Variants in LEPROTL1 observed in about 807,000 individuals in gnomAD.
LEPROTL1 encodes leptin receptor overlapping transcript-like 1.
In LEPROTL1, 6 loss-of-function variants were observed where a neutral mutation model predicts 15.4. The ratio of observed to expected loss-of-function variants is 0.39; its 90% CI spans 0.21 to 0.77. The LOEUF is 0.77. Among genes scored for constraint, LEPROTL1 ranks in the 30% least tolerant of loss-of-function variants. LEPROTL1 has a pLI of 0.41. For missense variants in LEPROTL1, 128 were observed against 158.1 expected (o/e 0.81, Z 1.02); for synonymous variants, 56 against 52.6 (o/e 1.06, Z -0.28).
At chr8:30,118,332 T>C (rs1802775157) in intron 3 of LEPROTL1, among the ~76,000 whole-genome samples, 1 of 152,120 alleles carries the variant, frequency 6.6e-6, no homozygotes, top group South Asian at 2.1e-4. Flanking sequence ...CACAAATATA[T>C]TAATATATGT....
In LEPROTL1 at chr8:30,107,179, T is replaced by A. The variant is rs1174623464; in HGVS notation, c.*1317T>A. ...TCTGCTGTTTCCTTATAAAAGGCAT[T>A]TGTTGTGTGAGTTAATGCAAAGTAG... is the stretch of plus-strand genomic sequence containing the variant. On this transcript the variant is annotated 3_prime_UTR_variant, in exon 4 of 4. Transcript: ENST00000321250. 2 of 985,304 alleles carry A rather than the reference T, an allele frequency of 2.0e-6. No individual in the cohort carries two copies. The highest frequency in any genetic ancestry group is 2.4e-6 in the Non-Finnish European group (2 of 829,944). 61.0% of individuals were successfully genotyped at this position (985,304 alleles called of 1,614,324 possible).
intron 2 of LEPROTL1, among the ~76,000 whole-genome samples, chr8:30,102,916 A>G (rs1204462954): frequency 1.3e-5 from 2 of 152,122 alleles, no homozygotes; most frequent in African/African-American, 2.4e-5. Context: ...TTTCTTGGAG[A>G]TAAGTTTGCT....
chr8:30,117,594 A>G (rs1802761106), intron 3 of LEPROTL1: 1 of 1,439,180 alleles, frequency 6.9e-7, no homozygotes, highest in Non-Finnish European at 9.7e-7. Context: ...GTTCACAACA[A>G]TTTTCCCAGC....
intron 2 of LEPROTL1, among the ~76,000 whole-genome samples, chr8:30,102,422 G>A (rs1265600425): frequency 6.6e-6 from 1 of 152,078 alleles, no homozygotes; most frequent in African/African-American, 2.4e-5. Context: ...AGACCAAGGC[G>A]GGAGGATTGC....
rs1042711907 is a variant in LEPROTL1, at chr8:30,108,516, T to C, written c.*2654T>C. The C allele has an allele frequency of 1.3e-5, 2 of 152,242 alleles. No homozygotes were observed. The highest frequency in any genetic ancestry group is 2.9e-5 in the Non-Finnish European group (2 of 68,036). 9.4% of individuals were successfully genotyped at this position (152,242 alleles called of 1,614,324 possible). A position where few individuals can be genotyped will look rare whatever the true frequency, so the allele number is the denominator to read the frequency against. ...CTGTGAAGAGAGAAAAGTACTGTTC[T>C]GTATTTTCAAATATTAGTCGTGTCC... On this transcript the variant is annotated 3_prime_UTR_variant, in exon 4 of 4. Transcript: ENST00000321250.
chr8:30,115,010 T>C (rs986151766), intron 3 of LEPROTL1, among the ~76,000 whole-genome samples: 2 of 152,094 alleles, frequency 1.3e-5, no homozygotes, highest in African/African-American at 4.8e-5. Context: ...TTTATACAAC[T>C]TTTCCCTTAT....
intron 3 of LEPROTL1, among the ~76,000 whole-genome samples, chr8:30,115,657 G>A (rs1360947244): frequency 7.0e-6 from 1 of 143,128 alleles, no homozygotes; most frequent in Admixed American, 7.5e-5. Context: ...AGGCCCAAGA[G>A]AGAAATAGCA....
intron 4 of LEPROTL1, chr8:30,132,709 C>A: frequency 6.4e-7 from 1 of 1,551,746 alleles, no homozygotes; most frequent in Non-Finnish European, 8.7e-7. Flanking sequence ...CTGGAAGGAG[C>A]ACAGAGAGCC....
intron 1 of LEPROTL1, among the ~76,000 whole-genome samples, chr8:30,097,694 T>TACACAC (rs1443256910): frequency 5.0e-5 from 4 of 80,152 alleles, no homozygotes; most frequent in African/African-American, 1.7e-4. Context: ...AATATATATA[T>TACACAC]ATATACACAC....
In LEPROTL1 at chr8:30,106,572, A is replaced by G. The variant is rs1802572199; in HGVS notation, c.*710A>G. On this transcript the variant is annotated 3_prime_UTR_variant, in exon 4 of 4. Transcript: ENST00000321250. ...TTAGAAGAATTTATGTTAAACTTTA[A>G]GGTAAGGGTGTAAAAACATTTTTGA... 2.1e-6 allele frequency: 2 copies of G among 972,660 alleles called. No homozygotes were observed. Among genetic ancestry groups the G allele is most frequent in the Non-Finnish European group, 2.4e-6 (2 of 828,526 alleles). The allele number at this position is 972,660 out of a possible 1,614,324, so 60.3% of individuals were successfully genotyped here. A position where few individuals can be genotyped will look rare whatever the true frequency, so the allele number is the denominator to read the frequency against.
At chr8:30,096,188 T>G in intron 1 of LEPROTL1, 3 of 772,402 alleles carry the variant, frequency 3.9e-6, no homozygotes, top group Non-Finnish European at 2.9e-6. Flanking sequence ...ATTTCAAAAT[T>G]TTTCTTTTTT....
At chr8:30,125,587 A>G (rs1210143440) in intron 3 of LEPROTL1, among the ~76,000 whole-genome samples, 1 of 152,240 alleles carries the variant, frequency 6.6e-6, no homozygotes, top group African/African-American at 2.4e-5. Context: ...TAATGTGTTG[A>G]AAAATTAATA....
At position 30,095,464 on chromosome 8, in the gene LEPROTL1, T is replaced by TGCTGCCGCC. The variant is rs1802343448; in HGVS notation, c.-46_-38dup. The stretch of plus-strand genomic sequence containing the variant: ...GCGTCTTGGGTCTCCCGGCTGCCGC[T>TGCTGCCGCC]GCTGCCGCCGCCGCCTCGGGTCGTG... On this transcript the variant is annotated 5_prime_UTR_variant, in exon 1 of 4. Transcript: ENST00000321250. 1.4e-6 allele frequency: 2 copies of TGCTGCCGCC among 1,463,174 alleles called. No homozygotes were observed. The highest frequency in any genetic ancestry group is 1.8e-6 in the Non-Finnish European group (2 of 1,111,582). The allele number at this position is 1,463,174 out of a possible 1,614,324, so 90.6% of individuals were successfully genotyped here.
downstream of LEPROTL1, chr8:30,138,156 T>C (rs561029746): frequency 1.4e-4 from 24 of 171,326 alleles, no homozygotes; most frequent in Non-Finnish European, 2.7e-4. Flanking sequence ...GATCCCCAAA[T>C]GCTCAGGGAA....
downstream of LEPROTL1, chr8:30,137,822 G>A (rs1313144552): frequency 3.2e-5 from 10 of 311,270 alleles, no homozygotes; most frequent in Admixed American, 9.5e-5. Flanking sequence ...CAAATTAGCC[G>A]AAAGATTAGA....
chr8:30,114,539 C>T (rs991136856), intron 3 of LEPROTL1, among the ~76,000 whole-genome samples: 1 of 152,142 alleles, frequency 6.6e-6, no homozygotes, highest in African/African-American at 2.4e-5. Context: ...CATCTGCCTG[C>T]CTCAGCCTCC....
rs1802587524 is a variant in LEPROTL1, at chr8:30,107,528, G to A, written c.*1666G>A. 12 of 985,714 alleles carry A rather than the reference G, an allele frequency of 1.2e-5. No individual in the cohort carries two copies. The highest frequency in any genetic ancestry group is 1.4e-5 in the Non-Finnish European group (12 of 829,914). 61.1% of individuals were successfully genotyped at this position (985,714 alleles called of 1,614,324 possible). On this transcript the variant is annotated 3_prime_UTR_variant, in exon 4 of 4. Coordinates refer to ENST00000321250, the MANE Select transcript of LEPROTL1 (RefSeq NM_015344.3). ...TTTGTTCAGCTTTTTTACTAAAGAT[G>A]CCTAAAGCCACAGGTTTTATTGCCT...
chr8:30,107,927 T>C lies in LEPROTL1; in HGVS notation c.*2065T>C, dbSNP rs1802596123. 1.0e-6 allele frequency: 1 copy of C among 985,326 alleles called. No individual in the cohort carries two copies. The highest frequency in any genetic ancestry group is 1.7e-5 in the African/African-American group (1 of 57,370). 61.0% of individuals were successfully genotyped at this position (985,326 alleles called of 1,614,324 possible). A position where few individuals can be genotyped will look rare whatever the true frequency, so the allele number is the denominator to read the frequency against. The stretch of plus-strand genomic sequence containing the variant: ...TGTGTCTTTGACCTTGTATACTAGC[T>C]TGACATAGTGCTGTCTCTGATTTCT... On this transcript the variant is annotated 3_prime_UTR_variant, in exon 4 of 4. Coordinates refer to ENST00000321250, the MANE Select transcript of LEPROTL1 (RefSeq NM_015344.3).
downstream of LEPROTL1, among the ~76,000 whole-genome samples, chr8:30,109,079 C>T: frequency 6.6e-6 from 1 of 150,562 alleles, no homozygotes; most frequent in East Asian, 2.0e-4. Context: ...TGAGCCACCA[C>T]ACTTTGGCCA....
Sources: gnomAD v4.1 joint callset for allele counts (sites outside exome capture counted in the v4.1 genomes callset) on GRCh38, gnomAD v4.1.1 for gene constraint, MANE v1.5 for transcripts, NCBI Gene and HGNC (gene_info 2026-07-23, HGNC 2026-07-21) for gene names.